Variants in C6orf132 observed in about 807,000 individuals in gnomAD.
The protein encoded by C6orf132 is chromosome 6 open reading frame 132, also known as uncharacterized protein C6orf132.
A neutral mutation model predicts 65.3 loss-of-function variants in C6orf132; 43 were observed. The observed-to-expected ratio is 0.66, with a 90% CI of 0.52 to 0.85. The LOEUF (loss-of-function observed/expected upper bound fraction) is 0.85. Ranked by LOEUF, C6orf132 falls within the 40% of genes least tolerant of loss-of-function variation. The pLI is 0.00. For missense variants in C6orf132, 1,488 were observed against 1,548.8 expected (o/e 0.96, Z 0.66); for synonymous variants, 631 against 654.1 (o/e 0.96, Z 0.54).
chr6:42,138,427 A>C (rs1766984452), intron 1 of C6orf132, among the ~76,000 whole-genome samples: 1 of 152,116 alleles, frequency 6.6e-6, no homozygotes, highest in African/African-American at 2.4e-5. Flanking sequence ...GAGTAGCTGC[A>C]GCTACAGGTG....
In C6orf132 at chr6:42,103,663, C is replaced by T. The variant is rs1766334231; in HGVS notation, c.*98G>A. 2 of 718,584 alleles carry T rather than the reference C, an allele frequency of 2.8e-6. No individual in the cohort carries two copies. The highest frequency in any genetic ancestry group is 1.9e-5 in the African/African-American group (1 of 53,822). The allele number at this position is 718,584 out of a possible 1,614,324, so 44.5% of individuals were successfully genotyped here. A position where few individuals can be genotyped will look rare whatever the true frequency, so the allele number is the denominator to read the frequency against. On this transcript the variant is annotated 3_prime_UTR_variant, in exon 5 of 5. Transcript: ENST00000341865. ...ACTCCTCTGTGTCTGAGTCAGGTCG[C>T]CCAACACCTGCTGTGTACCTCCCAC...
chr6:42,104,227 C>T lies in C6orf132; in HGVS notation c.3449+236G>A, dbSNP rs141151982. ...AGCCTGACCTCTGGGATCTAGCGGG[C>T]AGGAGAGAGACAGACGAGAGGAGCT... On this transcript the variant is annotated intron_variant, in intron 4 of 4. Coordinates refer to ENST00000341865, the MANE Select transcript of C6orf132 (RefSeq NM_001164446.3). The surrounding 1 kb of genome is among the most constrained non-coding windows in gnomAD (Gnocchi z 4.1). Among the ~76,000 whole-genome samples, 2,378 of 152,308 alleles carry T rather than the reference C, an allele frequency of 0.016. 66 individuals carry two copies. Among genetic ancestry groups the T allele is most frequent in the African/African-American group, 0.055 (2,268 of 41,556 alleles).
Position 42,106,439 on chromosome 6 carries a change from C to T in C6orf132, c.1473G>A (p.Arg491=). 3 of 1,536,170 alleles carry T rather than the reference C, an allele frequency of 2.0e-6. No homozygotes were observed. The highest frequency in any genetic ancestry group is 2.4e-5 in the East Asian group (1 of 40,884). ...SRREDRFLSH[R]PGPTVAPQSK... ...TCTGAGGGGCCACTGTTGGGCCTGG[C>T]CTGTGACTGAGGAATCGGTCCTCTC... Residue 491 remains arginine, a synonymous_variant, in exon 4 of 5, where the codon AGG becomes AGA. Transcript: ENST00000341865.
chr6:42,113,073 G>A (rs1271422777), intron 2 of C6orf132, among the ~76,000 whole-genome samples: 2 of 152,098 alleles, frequency 1.3e-5, no homozygotes, highest in African/African-American at 4.8e-5. Context: ...CCAGGGGCAG[G>A]TATAGGGACC....
chr6:42,110,398 T>A, intron 2 of C6orf132, 107 bp from the exon 3 acceptor site: 2 of 833,506 alleles, frequency 2.4e-6, no homozygotes, highest in Non-Finnish European at 3.7e-6. Flanking sequence ...GCAGTGACGG[T>A]CATGGTTGCA....
rs773295551 is a variant in C6orf132 at position 42,105,738 on chromosome 6, A to G, written c.2174T>C (p.Val725Ala). Residue 725 changes from valine to alanine, a missense_variant, in exon 4 of 5, where the codon GTT becomes GCT. By Grantham distance (64) the Val-to-Ala change is moderately conservative (BLOSUM62 0). Coordinates refer to ENST00000341865, the MANE Select transcript of C6orf132 (RefSeq NM_001164446.3). ...GQPEKPASQEVSTPSQARGEG... is the reference protein window; with the variant it reads ...GQPEKPASQEASTPSQARGEG... Reference sequence around the variant, plus strand: ...TCCCCTTGCCTGGGAGGGAGTGGAAACTTCTTGAGATGCTGGCTTCTCTGG... The same window carrying G: ...TCCCCTTGCCTGGGAGGGAGTGGAAGCTTCTTGAGATGCTGGCTTCTCTGG... The G allele has an allele frequency of 1.1e-4, 169 of 1,537,142 alleles. No individual in the cohort carries two copies. The highest frequency in any genetic ancestry group is 1.4e-4 in the Non-Finnish European group (160 of 1,146,914).
At chr6:42,128,202 G>A (rs1387988634) in intron 2 of C6orf132, among the ~76,000 whole-genome samples, 1 of 151,892 alleles carries the variant, frequency 6.6e-6, no homozygotes, top group Non-Finnish European at 1.5e-5. Flanking sequence ...TGGGATTACA[G>A]GCGTGAGCCA....
At chr6:42,126,019 C>T (rs1370011900) in intron 2 of C6orf132, among the ~76,000 whole-genome samples, 1 of 152,160 alleles carries the variant, frequency 6.6e-6, no homozygotes, top group Admixed American at 6.5e-5. Context: ...GGCAGGACAG[C>T]AGGAGCCACT....
chr6:42,122,396 A>T (rs955293161), intron 2 of C6orf132, among the ~76,000 whole-genome samples: 2 of 152,202 alleles, frequency 1.3e-5, no homozygotes, highest in Non-Finnish European at 1.5e-5. Context: ...CTGAGGGGGC[A>T]CACATCTGTG....
chr6:42,123,444 GAA>G (rs1766718287), intron 2 of C6orf132, among the ~76,000 whole-genome samples: 2 of 44,378 alleles, frequency 4.5e-5, no homozygotes, highest in Non-Finnish European at 1.0e-4. Context: ...AGAAGGAGAA[GAA>G]GGAGAAGAAG....
intron 2 of C6orf132, among the ~76,000 whole-genome samples, chr6:42,127,152 G>A (rs1157662614): frequency 6.6e-6 from 1 of 152,132 alleles, no homozygotes; most frequent in African/African-American, 2.4e-5. Flanking sequence ...ATGGGGTTGG[G>A]CTATATTGCC....
rs932049334 is a variant in C6orf132 at position 42,104,824 on chromosome 6, C to T, written c.3088G>A (p.Ala1030Thr). ...LRQLPNAGPG[A>T]PPALGFSRFP... ...CGCGAGAAGCCGAGAGCCGGGGGCG[C>T]CCCGGGGCCAGCGTTCGGGAGCTGC... Residue 1030 changes from alanine (A) to threonine (T), a missense_variant, in exon 4 of 5, where the codon GCG becomes ACG. By Grantham distance (58) the Ala-to-Thr change is moderately conservative. Coordinates refer to ENST00000341865, the MANE Select transcript of C6orf132 (RefSeq NM_001164446.3). This position sits in a 1 kb window ranked among gnomAD's most constrained non-coding sequence, Gnocchi z 4.1. The T allele has an allele frequency of 4.8e-6, 7 of 1,462,770 alleles. No homozygotes were observed. The highest frequency in any genetic ancestry group is 6.3e-6 in the Non-Finnish European group (7 of 1,114,290). The allele number at this position is 1,462,770 out of a possible 1,614,324, so 90.6% of individuals were successfully genotyped here. A position where few individuals can be genotyped will look rare whatever the true frequency, so the allele number is the denominator to read the frequency against.
At position 42,104,486 on chromosome 6, in the gene C6orf132, G is replaced by A; in HGVS notation, c.3426C>T (p.Tyr1142=). ...AKHKAPGSAD[Y]GFAPAAGRSP... ...ACCTGCCGGCAGCTGGGGCGAAGCC[G>A]TAGTCGGCGCTGCCGGGCGCTTTGT... is the stretch of plus-strand genomic sequence containing the variant. The change falls in exon 4 of 5, where the codon TAC becomes TAT. Residue 1142 remains tyrosine (Y), a synonymous_variant. Coordinates refer to ENST00000341865, the MANE Select transcript of C6orf132 (RefSeq NM_001164446.3). This position sits in a 1 kb window ranked among gnomAD's most constrained non-coding sequence, Gnocchi z 4.1. The A allele has an allele frequency of 8.1e-7, 1 of 1,231,720 alleles. No homozygotes were observed. Among genetic ancestry groups the A allele is most frequent in the Non-Finnish European group, 1.0e-6 (1 of 988,128 alleles). The allele number at this position is 1,231,720 out of a possible 1,614,324, so 76.3% of individuals were successfully genotyped here.
In C6orf132 at chr6:42,142,084, TG is replaced by T. The variant is rs1363758547; in HGVS notation, c.145+215del. Among the ~76,000 whole-genome samples, 143 of 151,618 alleles carry T rather than the reference TG, an allele frequency of 9.4e-4. 1 individual carries two copies. The highest frequency in any genetic ancestry group is 3.3e-3 in the African/African-American group (135 of 41,322). Reference sequence around the variant, plus strand: ...AAGTTCTCCCACCTCCCCGTGGTGGTGGGGGGGGTCCCCTCGTTCCCCACAC... The same window carrying T: ...AAGTTCTCCCACCTCCCCGTGGTGGTGGGGGGGTCCCCTCGTTCCCCACAC... On this transcript the variant is annotated intron_variant, in intron 1 of 4. Transcript: ENST00000341865.
chr6:42,119,583 G>A (rs936014124), intron 2 of C6orf132, among the ~76,000 whole-genome samples: 2 of 151,606 alleles, frequency 1.3e-5, no homozygotes, highest in South Asian at 2.1e-4. Context: ...CTGGCCTCCA[G>A]TGATCCACCC....
intron 1 of C6orf132, among the ~76,000 whole-genome samples, chr6:42,136,329 G>C (rs1766941238): frequency 6.6e-6 from 1 of 152,134 alleles, no homozygotes; most frequent in Admixed American, 6.5e-5. Flanking sequence ...CCCAAAATCA[G>C]GAGAGGGAAG....
In C6orf132 at chr6:42,106,390, G is replaced by A. The variant is rs1476459665; in HGVS notation, c.1522C>T (p.Arg508Cys). ...AGGAGAGTCTCCTTCTCAGGCAGGCGGGGGCCCTTCTTGCCCTCCTTGCTC... is the reference window on the plus strand; with the variant it reads ...AGGAGAGTCTCCTTCTCAGGCAGGCAGGGGCCCTTCTTGCCCTCCTTGCTC... ...PQSKEGKKGP[R>C]LPEKETLLSL... is the part of the protein sequence containing the mutation. Residue 508 changes from arginine to cysteine, a missense_variant, in exon 4 of 5, where the codon CGC (arginine) becomes TGC (cysteine). Arg to Cys is a radical substitution (Grantham distance 180). Coordinates refer to ENST00000341865, the MANE Select transcript of C6orf132 (RefSeq NM_001164446.3). 3.1e-5 allele frequency: 48 copies of A among 1,535,058 alleles called. No individual in the cohort carries two copies. Among genetic ancestry groups the A allele is most frequent in the Non-Finnish European group, 4.0e-5 (46 of 1,146,144 alleles).
At chr6:42,120,987 T>C (rs979294166) in intron 2 of C6orf132, among the ~76,000 whole-genome samples, 1 of 152,180 alleles carries the variant, frequency 6.6e-6, no homozygotes, top group Non-Finnish European at 1.5e-5. Flanking sequence ...GCAGACCAGA[T>C]TTGCAATCTT....
intron 2 of C6orf132, among the ~76,000 whole-genome samples, chr6:42,125,504 G>A (rs547867946): frequency 1.9e-4 from 29 of 152,268 alleles, no homozygotes; most frequent in Admixed American, 2.6e-4. Flanking sequence ...GCCTTTCCCC[G>A]GTTAGCCAGC....
Sources: gnomAD v4.1 joint callset for allele counts (sites outside exome capture counted in the v4.1 genomes callset) on GRCh38, gnomAD v4.1.1 for gene constraint, Gnocchi (gnomAD v3.1) non-coding constraint, MANE v1.5 for transcripts, NCBI Gene and HGNC (gene_info 2026-07-23, HGNC 2026-07-21) for gene names.